KLKB1: variants seen among roughly 807,000 people sequenced by gnomAD.
KLKB1 encodes the protein plasma kallikrein.
A neutral mutation model predicts 73.6 loss-of-function variants in KLKB1; 58 were observed. The observed-to-expected ratio is 0.79, with a 90% CI of 0.64 to 0.98. KLKB1 has a LOEUF of 0.98. Among genes scored for constraint, KLKB1 ranks in the 50% least tolerant of loss-of-function variants. The pLI is 0.00. For synonymous variants in KLKB1, 280 were observed against 258.1 expected (o/e 1.08, Z -0.81); for missense variants, 737 against 763.8 (o/e 0.96, Z 0.41).
At chr4:186,237,127 C>T (rs188985265) in intron 5 of KLKB1, among the ~76,000 whole-genome samples, 187 bp downstream of exon 5, 19 of 152,008 alleles carry the variant, frequency 1.2e-4, no homozygotes, top group African/African-American at 3.1e-4. Context: ...GAGATGGAGT[C>T]GCGCTCTGTC....
chr4:186,217,066 G>T (rs910461998), intron 2 of KLKB1, among the ~76,000 whole-genome samples: 11 of 152,154 alleles, frequency 7.2e-5, no homozygotes. Flanking sequence ...TACTTACCAC[G>T]CCTCTTTTCA....
intron 1 of KLKB1, among the ~76,000 whole-genome samples, 195 bp downstream of exon 1, chr4:186,227,782 A>T (rs886302668): frequency 1.3e-5 from 2 of 152,218 alleles, no homozygotes; most frequent in African/African-American, 4.8e-5. Flanking sequence ...ATTGATTTAA[A>T]ATTTTTAAAT....
rs1192403361 is a variant in KLKB1 at position 186,232,023 on chromosome 4, G to A, written c.59-104G>A. On this transcript the variant is annotated intron_variant, in intron 2 of 14. Transcript: ENST00000264690. Reference sequence around the variant, plus strand: ...GCATAATTAGAGTTGTATTATACAGGTCTTTGAGTAGTCAGTCAGTGGGAG... The same window carrying A: ...GCATAATTAGAGTTGTATTATACAGATCTTTGAGTAGTCAGTCAGTGGGAG... The A allele has an allele frequency of 7.2e-6, 6 of 837,220 alleles. No individual in the cohort carries two copies. The East Asian group carries it at 1.3e-4, about 19-fold the overall frequency. 51.9% of individuals were successfully genotyped at this position (837,220 alleles called of 1,614,324 possible). A position where few individuals can be genotyped will look rare whatever the true frequency, so the allele number is the denominator to read the frequency against.
Position 186,258,069 on chromosome 4 carries a change from T to G in KLKB1, c.1774T>G (p.Leu592Val), listed in dbSNP as rs769687938. 5.0e-6 allele frequency: 8 copies of G among 1,614,080 alleles called. No individual in the cohort carries two copies. In the South Asian group the frequency reaches 7.7e-5, roughly 16 times the overall value. Reference sequence around the variant, plus strand: ...TTGCAAACACAATGGAATGTGGCGTTTGGTGGGCATCACCAGCTGGGGTGA... The same window carrying G: ...TTGCAAACACAATGGAATGTGGCGTGTGGTGGGCATCACCAGCTGGGGTGA... The part of the protein sequence containing the change: ...LVCKHNGMWR[L>V]VGITSWGEGC... Residue 592 changes from leucine to valine, a missense_variant, in exon 15 of 15, where the codon TTG becomes GTG. Coordinates refer to ENST00000264690, the MANE Select transcript of KLKB1 (RefSeq NM_000892.5).
intron 6 of KLKB1, among the ~76,000 whole-genome samples, chr4:186,239,438 T>C (rs907546396): frequency 2.1e-5 from 3 of 146,108 alleles, no homozygotes; most frequent in African/African-American, 7.5e-5. Context: ...ACAGTGATAC[T>C]GTTAGAGTTA....
At chr4:186,251,922 T>C in intron 10 of KLKB1, 61 bp downstream of exon 10, 1 of 1,603,868 alleles carries the variant, frequency 6.2e-7, no homozygotes, top group Non-Finnish European at 8.5e-7. Flanking sequence ...ATAGTTTGCT[T>C]AGTCTTAAGG....
intron 6 of KLKB1, among the ~76,000 whole-genome samples, chr4:186,249,609 C>T (rs901747050): frequency 1.3e-5 from 2 of 152,042 alleles, no homozygotes; most frequent in African/African-American, 4.8e-5. Flanking sequence ...TTTTGCATTT[C>T]CATATGAATT....
upstream of KLKB1, among the ~76,000 whole-genome samples, chr4:186,222,002 C>T (rs1248426573): frequency 6.6e-6 from 1 of 152,132 alleles, no homozygotes; most frequent in Non-Finnish European, 1.5e-5. Flanking sequence ...ACCCTTTTAC[C>T]ATTATATAAT....
Position 186,258,204 on chromosome 4 carries a change from C to G in KLKB1, c.1909C>G (p.Pro637Ala). The G allele has an allele frequency of 2.5e-6, 4 of 1,613,804 alleles. No individual in the cohort carries two copies. In the South Asian group the frequency reaches 4.4e-5, roughly 18 times the overall value. ...SSDGKAQMQS[P>A]A ...TGATGGAAAAGCTCAGATGCAGTCA[C>G]CAGCATGAGAAGCAGTCCAGAGTCT... Residue 637 changes from proline (P) to alanine (A), a missense_variant, in exon 15 of 15, where the codon CCA (proline) becomes GCA (alanine). By Grantham distance (27) the Pro-to-Ala change is conservative (BLOSUM62 -1). Transcript: ENST00000264690.
intron 13 of KLKB1, 108 bp from the exon 14 acceptor site, chr4:186,257,118 C>A: frequency 1.6e-6 from 1 of 619,594 alleles, no homozygotes; most frequent in Non-Finnish European, 2.6e-6. Context: ...AAACTTATTT[C>A]CATATTTATT....
At chr4:186,212,652 A>G (rs1276423730) in intron 2 of KLKB1, 1 of 152,248 alleles carries the variant, frequency 6.6e-6, no homozygotes, top group East Asian at 1.9e-4. Flanking sequence ...AGGACCTTAG[A>G]ACTTATCTGT....
chr4:186,241,160 C>A (rs769079271), intron 6 of KLKB1, among the ~76,000 whole-genome samples: 1 of 152,140 alleles, frequency 6.6e-6, no homozygotes, highest in African/African-American at 2.4e-5. Flanking sequence ...CACCCAGTAG[C>A]CACATGCCTC....
chr4:186,214,528 C>A (rs550858560), intron 2 of KLKB1, among the ~76,000 whole-genome samples: 73 of 152,252 alleles, frequency 4.8e-4, no homozygotes, highest in Admixed American at 7.8e-4. Flanking sequence ...CCTTTAAATG[C>A]AATACCATTT....
At chr4:186,223,429 G>T (rs191874515), upstream of KLKB1, among the ~76,000 whole-genome samples, 11 of 152,288 alleles carry the variant, frequency 7.2e-5, no homozygotes, top group African/African-American at 1.2e-4. Flanking sequence ...TAGTCGTATT[G>T]ACAATGAAGT....
intron 9 of KLKB1, 34 bp from the exon 10 acceptor site, chr4:186,251,715 A>G: frequency 6.2e-7 from 1 of 1,606,426 alleles, no homozygotes; most frequent in Non-Finnish European, 8.5e-7. Flanking sequence ...TCCCCCTGTG[A>G]AGGCTTACTC....
At chr4:186,237,143 G>C (rs1737738630) in intron 5 of KLKB1, among the ~76,000 whole-genome samples, 1 of 152,034 alleles carries the variant, frequency 6.6e-6, no homozygotes, top group South Asian at 2.1e-4. Context: ...CTGTCGCCCA[G>C]GCTAGAGTGC....
chr4:186,254,773 A>G lies in KLKB1; in HGVS notation c.1489+10A>G, dbSNP rs781405035. On this transcript the variant is annotated intron_variant, in intron 12 of 14. Transcript: ENST00000264690. ...CCTTTGAATTACACTGGTATGTAGCATATGTAAGAAGGTGGAGAGCAGAAT... is the reference window on the plus strand; with the variant it reads ...CCTTTGAATTACACTGGTATGTAGCGTATGTAAGAAGGTGGAGAGCAGAAT... The G allele has an allele frequency of 5.0e-6, 8 of 1,607,578 alleles. No homozygotes were observed. The highest frequency in any genetic ancestry group is 4.3e-6 in the Non-Finnish European group (5 of 1,174,334).
intron 2 of KLKB1, chr4:186,212,228 G>A (rs1338643107): frequency 6.6e-6 from 1 of 152,140 alleles, no homozygotes; most frequent in Non-Finnish European, 1.5e-5. Context: ...GTGATGATCA[G>A]ACGTGTCATT....
In KLKB1 at chr4:186,258,030, G is replaced by A. The variant is rs1326658154; in HGVS notation, c.1735G>A (p.Gly579Ser). 1 of 1,613,948 alleles carries A rather than the reference G, an allele frequency of 6.2e-7. No homozygotes were observed. Among genetic ancestry groups the A allele is most frequent in the South Asian group, 1.1e-5 (1 of 91,070 alleles). ...TTCCACTGTGACTCAGGGAGATTCA[G>A]GTGGTCCCTTAGTTTGCAAACACAA... ...GGKDACKGDS[G>S]GPLVCKHNGM... Residue 579 changes from glycine to serine, a missense_variant, in exon 15 of 15, where the codon GGT (glycine) becomes AGT (serine). Gly to Ser is a moderately conservative substitution (Grantham distance 56). Transcript: ENST00000264690.
Sources: gnomAD v4.1 joint callset for allele counts (sites outside exome capture counted in the v4.1 genomes callset) on GRCh38, gnomAD v4.1.1 for gene constraint, MANE v1.5 for transcripts, NCBI Gene and HGNC (gene_info 2026-07-23, HGNC 2026-07-21) for gene names.